PPP4R4: variants seen among roughly 807,000 people sequenced by gnomAD.
PPP4R4 encodes the protein protein phosphatase 4 regulatory subunit 4.
Under a neutral mutation model 121.8 loss-of-function variants are expected in PPP4R4, and 70 were observed. The observed-to-expected ratio is 0.57, with a 90% CI of 0.47 to 0.70. The LOEUF (loss-of-function observed/expected upper bound fraction) is 0.70. Ranked by LOEUF, PPP4R4 falls within the 30% of genes least tolerant of loss-of-function variation. PPP4R4 has a pLI of 0.00. For missense variants in PPP4R4, 875 were observed against 1,033.6 expected, an observed-to-expected ratio of 0.85 and a Z score of 2.10; for synonymous variants, 348 against 355.7, an observed-to-expected ratio of 0.98 and a Z score of 0.24.
intron 23 of PPP4R4, among the ~76,000 whole-genome samples, chr14:94,269,573 C>T (rs1316209234): frequency 6.6e-6 from 1 of 151,074 alleles, no homozygotes; most frequent in African/African-American, 2.4e-5. Flanking sequence ...TCCAGCTACT[C>T]AGGAGGCTGA....
Position 94,230,822 on chromosome 14 carries a change from G to T in PPP4R4, c.442+88G>T, listed in dbSNP as rs1891989512. The T allele has an allele frequency of 2.2e-6, 3 of 1,356,984 alleles. No homozygotes were observed. The Admixed American group carries it at 6.9e-5, about 31-fold the overall frequency. The allele number at this position is 1,356,984 out of a possible 1,614,324, so 84.1% of individuals were successfully genotyped here. A position where few individuals can be genotyped will look rare whatever the true frequency, so the allele number is the denominator to read the frequency against. ...ATTATATAAATACTGTTAGCCTGAT[G>T]AGGATAACTGAGTAAGGCCATGCTG... On this transcript the variant is annotated intron_variant, in intron 4 of 24. Transcript: ENST00000304338.
chr14:94,189,737 T>C (rs1251596015), intron 2 of PPP4R4, among the ~76,000 whole-genome samples: 1 of 152,220 alleles, frequency 6.6e-6, no homozygotes, highest in Non-Finnish European at 1.5e-5. Flanking sequence ...TTTATCTAAA[T>C]ATGCCTCTGC....
chr14:94,224,307 G>C (rs1318283949), intron 3 of PPP4R4, among the ~76,000 whole-genome samples: 1 of 152,184 alleles, frequency 6.6e-6, no homozygotes, highest in Non-Finnish European at 1.5e-5. Context: ...ATCTCATGCT[G>C]ACTGTAAAGT....
chr14:94,264,310 G>A (rs897870707), intron 19 of PPP4R4, among the ~76,000 whole-genome samples: 4 of 151,928 alleles, frequency 2.6e-5, no homozygotes, highest in African/African-American at 9.7e-5. Flanking sequence ...CACCATGCCT[G>A]GCTAATTTTT....
chr14:94,266,705 T>C (rs1280271766), intron 22 of PPP4R4, among the ~76,000 whole-genome samples: 1 of 152,110 alleles, frequency 6.6e-6, no homozygotes, highest in African/African-American at 2.4e-5. Flanking sequence ...TTTACCCATT[T>C]TAGCTGCCTT....
At chr14:94,246,732 A>G (rs72704304) in intron 14 of PPP4R4, among the ~76,000 whole-genome samples, 193 bp downstream of exon 14, 35,858 of 151,966 alleles carry the variant, frequency 0.24, 5,074 homozygotes, top group East Asian at 0.59. Context: ...CCCTCTGAGA[A>G]TCTTCTCTCT....
At chr14:94,245,803 A>T (rs1595520050) in intron 13 of PPP4R4, 133 bp downstream of exon 13, 11 of 523,848 alleles carry the variant, frequency 2.1e-5, no homozygotes, top group East Asian at 1.2e-4. Context: ...GGTGGTCAGT[A>T]AAAGCCTATT....
chr14:94,238,783 A>G (rs1336041493), intron 8 of PPP4R4, among the ~76,000 whole-genome samples: 8 of 152,228 alleles, frequency 5.3e-5, no homozygotes, highest in Non-Finnish European at 1.0e-4. Context: ...TCTGAACTCT[A>G]GGAAGCCTCT....
chr14:94,204,501 A>C (rs1890358860), intron 2 of PPP4R4, among the ~76,000 whole-genome samples: 1 of 152,112 alleles, frequency 6.6e-6, no homozygotes, highest in South Asian at 2.1e-4. Context: ...AATAAGTCTT[A>C]ACAGTGGGTG....
intron 2 of PPP4R4, among the ~76,000 whole-genome samples, chr14:94,193,350 C>G (rs909242664): frequency 1.3e-5 from 2 of 152,028 alleles, no homozygotes; most frequent in African/African-American, 2.4e-5. Flanking sequence ...TGGAGTAGTA[C>G]AGGCTGCATA....
At chr14:94,255,970 C>A (rs963519083) in intron 16 of PPP4R4, among the ~76,000 whole-genome samples, 3 of 152,218 alleles carry the variant, frequency 2.0e-5, no homozygotes, top group African/African-American at 7.2e-5. Flanking sequence ...TTTGGACCAA[C>A]AGTAGAGACA....
At chr14:94,278,428 G>A (rs1894756588) in intron 24 of PPP4R4, among the ~76,000 whole-genome samples, 191 bp from the exon 25 acceptor site, 1 of 152,148 alleles carries the variant, frequency 6.6e-6, no homozygotes, top group African/African-American at 2.4e-5. Context: ...AATCTTTAAT[G>A]TGTAATTCAT....
intron 16 of PPP4R4, among the ~76,000 whole-genome samples, chr14:94,256,233 C>G (rs1893465030): frequency 6.6e-6 from 1 of 152,096 alleles, no homozygotes; most frequent in East Asian, 1.9e-4. Context: ...TTCTCTGCTC[C>G]CATACTAGAA....
Position 94,237,547 on chromosome 14 carries a change from C to A in PPP4R4, c.732-18C>A. ...ATTTATTGATTTGATTTATTTTCTT[C>A]TATTGCTTATTGTGCAGGACAGAAC... On this transcript the variant is annotated intron_variant, in intron 7 of 24. Coordinates refer to ENST00000304338, the MANE Select transcript of PPP4R4 (RefSeq NM_058237.2). The A allele has an allele frequency of 6.2e-7, 1 of 1,600,074 alleles. No individual in the cohort carries two copies. The highest frequency in any genetic ancestry group is 8.5e-7 in the Non-Finnish European group (1 of 1,170,140).
intron 10 of PPP4R4, 150 bp from the exon 11 acceptor site, chr14:94,242,139 G>A (rs1892666772): frequency 8.7e-7 from 1 of 1,152,296 alleles, no homozygotes; most frequent in African/African-American, 1.6e-5. Context: ...CAGAATAATA[G>A]ACACATATTT....
intron 6 of PPP4R4, among the ~76,000 whole-genome samples, chr14:94,234,016 A>G (rs1892195112): frequency 6.6e-6 from 1 of 152,152 alleles, no homozygotes; most frequent in Non-Finnish European, 1.5e-5. Context: ...TACCAAATAT[A>G]GTTTTGAGGA....
rs1006277805 is a variant in PPP4R4 at position 94,264,958 on chromosome 14, T to C, written c.2197+11T>C. ...TGTTTGAAAAGAAACGTAAGTAGTT[T>C]TTCTATGTCTTCAACACTTAATTAC... On this transcript the variant is annotated intron_variant, in intron 20 of 24. Coordinates refer to ENST00000304338, the MANE Select transcript of PPP4R4 (RefSeq NM_058237.2). 6.4e-7 allele frequency: 1 copy of C among 1,553,228 alleles called. No homozygotes were observed. The highest frequency in any genetic ancestry group is 8.8e-7 in the Non-Finnish European group (1 of 1,138,012).
chr14:94,195,432 T>G (rs73342855), intron 2 of PPP4R4, among the ~76,000 whole-genome samples: 4,705 of 152,282 alleles, frequency 0.031, 199 homozygotes, highest in African/African-American at 0.09. Flanking sequence ...TTTCTTGATG[T>G]CACTGACTTA....
intron 3 of PPP4R4, among the ~76,000 whole-genome samples, chr14:94,221,599 A>G (rs1475050591): frequency 6.6e-6 from 1 of 152,148 alleles, no homozygotes. Flanking sequence ...GATGTTCAAC[A>G]TCATTAGTCA....
Sources: allele counts gnomAD v4.1 joint callset (sites outside exome capture counted in the v4.1 genomes callset), GRCh38; gene constraint gnomAD v4.1.1; transcripts MANE v1.5; gene names NCBI Gene and HGNC (gene_info 2026-07-23, HGNC 2026-07-21).